TMEM132B: variants seen among roughly 807,000 people sequenced by gnomAD.
TMEM132B encodes the protein transmembrane protein 132B.
Under a neutral mutation model 90.8 loss-of-function variants are expected in TMEM132B, and 18 were observed. The ratio of observed to expected loss-of-function variants is 0.20; its 90% CI spans 0.14 to 0.29. The LOEUF is 0.29. Among genes scored for constraint, TMEM132B ranks in the 10% least tolerant of loss-of-function variants. TMEM132B has a pLI of 1.00. For synonymous variants in TMEM132B, 504 were observed against 523.3 expected (o/e 0.96, Z 0.50); for missense variants, 1,096 against 1,326.8 (o/e 0.83, Z 2.70).
At chr12:125,479,492 A>G (rs912733263) in intron 3 of TMEM132B, among the ~76,000 whole-genome samples, 1 of 152,362 alleles carries the variant, frequency 6.6e-6, no homozygotes, top group East Asian at 1.9e-4. Flanking sequence ...CTTTAAGCCA[A>G]CAAAAATCAA....
chr12:125,531,887 C>T (rs1883655674), intron 4 of TMEM132B, among the ~76,000 whole-genome samples: 1 of 152,232 alleles, frequency 6.6e-6, no homozygotes, highest in African/African-American at 2.4e-5. Context: ...GCACTTGGTG[C>T]AGAGTGGGCA....
rs1382989223 is a variant in TMEM132B at position 125,660,926 on chromosome 12, C to T, written c.*6216C>T. On this transcript the variant is annotated 3_prime_UTR_variant, in exon 9 of 9. Coordinates refer to ENST00000682704, the MANE Select transcript of TMEM132B (RefSeq NM_001366854.1). ...TTGCCCATTGGAGTAAAGCACTTTA[C>T]AGAGAGATGGATGCCGCTTTGGGAT... 2 of 152,196 alleles carry T rather than the reference C, an allele frequency of 1.3e-5. No individual in the cohort carries two copies. The highest frequency in any genetic ancestry group is 2.9e-5 in the Non-Finnish European group (2 of 68,056). 9.4% of individuals were successfully genotyped at this position (152,196 alleles called of 1,614,324 possible).
At chr12:125,291,566 G>A (rs578073284) in intron 1 of TMEM132B, among the ~76,000 whole-genome samples, 2 of 152,284 alleles carry the variant, frequency 1.3e-5, no homozygotes, top group African/African-American at 4.8e-5. Context: ...AAGGGCATGA[G>A]GATGTCAGTC....
intron 1 of TMEM132B, among the ~76,000 whole-genome samples, chr12:125,236,321 G>GT (rs150284857): frequency 0.016 from 2,433 of 149,856 alleles, 64 homozygotes; most frequent in African/African-American, 0.054. Flanking sequence ...ATTTTTTTTT[G>GT]TTTTTTTTGT....
At position 125,370,138 on chromosome 12, in the gene TMEM132B, T is replaced by C. The variant is rs373716055; in HGVS notation, c.959+19795T>C. Among the ~76,000 whole-genome samples the C allele has an allele frequency of 1.3e-4, 20 of 152,264 alleles. No homozygotes were observed. The South Asian group carries it at 3.9e-3, about 30-fold the overall frequency. ...GAGTGATCTGTGAAGTTAATCCCTG[T>C]TGTGGCTTAAGATCGGCTGCATGTG... On this transcript the variant is annotated intron_variant, in intron 2 of 8. Transcript: ENST00000682704.
Position 125,654,173 on chromosome 12 carries a change from C to T in TMEM132B, c.2715C>T (p.Gly905=), listed in dbSNP as rs763456351. ...TSRGLTDLEI[G]MYALLCVFCL... is the part of the protein sequence containing the mutation. ...GGGGGCTAACGGACTTGGAGATTGG[C>T]ATGTATGCCTTGCTCTGCGTCTTCT... Residue 905 remains glycine (G), a synonymous_variant, in exon 9 of 9, where the codon GGC becomes GGT. Transcript: ENST00000682704. This position sits in a 1 kb window ranked among gnomAD's most constrained non-coding sequence, Gnocchi z 5.8. The T allele has an allele frequency of 6.2e-7, 1 of 1,614,234 alleles. No individual in the cohort carries two copies. Among genetic ancestry groups the T allele is most frequent in the Admixed American group, 1.7e-5 (1 of 60,026 alleles).
intron 2 of TMEM132B, among the ~76,000 whole-genome samples, chr12:125,365,156 A>T (rs60337575): frequency 6.6e-6 from 1 of 151,218 alleles, no homozygotes; most frequent in South Asian, 2.1e-4. Context: ...CATTATTTGC[A>T]TACTTTTAAG....
At chr12:125,542,874 G>T (rs1363843187) in intron 4 of TMEM132B, among the ~76,000 whole-genome samples, 1 of 152,144 alleles carries the variant, frequency 6.6e-6, no homozygotes, top group Non-Finnish European at 1.5e-5. Context: ...AATTATTTTG[G>T]TATCTTATTA....
At chr12:125,230,567 G>C (rs561972864) in intron 1 of TMEM132B, among the ~76,000 whole-genome samples, 22 of 151,946 alleles carry the variant, frequency 1.4e-4, no homozygotes, top group African/African-American at 4.8e-4. Context: ...TGCAAGCTCC[G>C]CCTCCTGGGT....
At chr12:125,215,867 G>A (rs1479084235) in intron 1 of TMEM132B, among the ~76,000 whole-genome samples, 2 of 152,204 alleles carry the variant, frequency 1.3e-5, no homozygotes, top group Non-Finnish European at 2.9e-5. Flanking sequence ...CCCTTACACT[G>A]GGTCCACCTG....
intron 2 of TMEM132B, among the ~76,000 whole-genome samples, chr12:125,399,826 G>T (rs1030161003): frequency 2.6e-5 from 4 of 152,182 alleles, no homozygotes; most frequent in Admixed American, 6.5e-5. Context: ...AGTCTGGGAA[G>T]AAAATATTGC....
At chr12:125,225,609 C>G (rs1378022357) in intron 1 of TMEM132B, among the ~76,000 whole-genome samples, 8 of 152,128 alleles carry the variant, frequency 5.3e-5, no homozygotes, top group Admixed American at 5.2e-4. Flanking sequence ...TGGTTTAGTC[C>G]AATAGAAGTT....
intron 1 of TMEM132B, among the ~76,000 whole-genome samples, chr12:125,247,430 T>C (rs976282274): frequency 6.6e-6 from 1 of 152,228 alleles, no homozygotes; most frequent in African/African-American, 2.4e-5. Flanking sequence ...TGATGCGACA[T>C]GAACCCATCT....
chr12:125,288,470 A>AAT (rs2136142573), intron 1 of TMEM132B, among the ~76,000 whole-genome samples: 1 of 147,732 alleles, frequency 6.8e-6, no homozygotes, highest in Admixed American at 6.7e-5. Context: ...CTCAAAAAAA[A>AAT]AAAAAAAAAA....
intron 1 of TMEM132B, among the ~76,000 whole-genome samples, chr12:125,198,526 A>G (rs1872979497): frequency 6.6e-6 from 1 of 152,236 alleles, no homozygotes; most frequent in South Asian, 2.1e-4. Context: ...CAAGAACCCC[A>G]GGACTGACTT....
At chr12:125,589,411 C>T (rs944569459) in intron 5 of TMEM132B, among the ~76,000 whole-genome samples, 5 of 137,268 alleles carry the variant, frequency 3.6e-5, no homozygotes, top group African/African-American at 5.5e-5. Flanking sequence ...GAACCCGGGA[C>T]GCGGAGCTTG....
chr12:125,472,406 G>A (rs183605788), intron 3 of TMEM132B, among the ~76,000 whole-genome samples: 14 of 152,300 alleles, frequency 9.2e-5, no homozygotes, highest in South Asian at 4.2e-4. Flanking sequence ...CCCAGTGGAC[G>A]TGGGGTTGGT....
chr12:125,581,425 T>G (rs1369400354), intron 4 of TMEM132B, among the ~76,000 whole-genome samples: 1 of 152,202 alleles, frequency 6.6e-6, no homozygotes, highest in East Asian at 1.9e-4. Context: ...CAGGAATATT[T>G]CTAGCTCCTA....
rs1405062060 is a variant in TMEM132B at position 125,411,058 on chromosome 12, GTGGAGT to G, written c.960-4472_960-4467del. Among the ~76,000 whole-genome samples the G allele has an allele frequency of 2.1e-3, 12 of 5,764 alleles. 3 individuals carry two copies. The highest frequency in any genetic ancestry group is 0.011 in the East Asian group (2 of 180). The allele number at this position is 5,764 out of a possible 152,430, so 3.8% of individuals were successfully genotyped here. On this transcript the variant is annotated intron_variant, in intron 2 of 8. Transcript: ENST00000682704. ...AGTGAGTGGAGTGGAGTGGAGTGGAGTGGAGTGAGTGGAGTGAGTGGAGTGGAGTGG... is the reference window on the plus strand; with the variant it reads ...AGTGAGTGGAGTGGAGTGGAGTGGAGGAGTGGAGTGAGTGGAGTGGAGTGG...
Sources: allele counts gnomAD v4.1 joint callset (sites outside exome capture counted in the v4.1 genomes callset), GRCh38; gene constraint gnomAD v4.1.1; non-coding constraint Gnocchi (gnomAD v3.1); transcripts MANE v1.5; gene names NCBI Gene and HGNC (gene_info 2026-07-23, HGNC 2026-07-21).